Variants in ITGA8 observed in about 807,000 individuals in gnomAD.
ITGA8 encodes integrin alpha-8.
In ITGA8, 91 loss-of-function variants were observed where a neutral mutation model predicts 142.3. That is an observed-to-expected ratio of 0.64 (90% CI 0.54 to 0.76). The LOEUF is 0.76. Ranked by LOEUF, ITGA8 falls within the 30% of genes least tolerant of loss-of-function variation. The pLI is 0.00. For missense variants in ITGA8, 1,406 were observed against 1,327.7 expected, an observed-to-expected ratio of 1.06 and a Z score of -0.92; for synonymous variants, 505 against 485.2, an observed-to-expected ratio of 1.04 and a Z score of -0.54.
chr10:15,544,258 A>G (rs1833627735), intron 27 of ITGA8, among the ~76,000 whole-genome samples: 1 of 152,176 alleles, frequency 6.6e-6, no homozygotes, highest in Non-Finnish European at 1.5e-5. Flanking sequence ...TGACTGCACC[A>G]CTTCACTCCA....
At chr10:15,523,707 C>T (rs367764165) in intron 28 of ITGA8, among the ~76,000 whole-genome samples, 26 of 147,698 alleles carry the variant, frequency 1.8e-4, no homozygotes, top group East Asian at 1.4e-3. Flanking sequence ...GTCAGGAGTT[C>T]GAGACCAGCC....
chr10:15,657,374 C>T (rs1351856427), intron 10 of ITGA8, among the ~76,000 whole-genome samples: 2 of 152,110 alleles, frequency 1.3e-5, no homozygotes, highest in Admixed American at 6.5e-5. Context: ...CCAAACCTTC[C>T]AAAAGAATAT....
intron 4 of ITGA8, 71 bp from the exon 5 acceptor site, chr10:15,678,854 G>A: frequency 1.1e-6 from 1 of 916,952 alleles, no homozygotes; most frequent in Non-Finnish European, 1.7e-6. Flanking sequence ...ACCAATTCAG[G>A]ATATTATGTT....
intron 29 of ITGA8, 120 bp from the exon 30 acceptor site, chr10:15,517,364 C>A (rs776271602): frequency 1.7e-5 from 10 of 572,290 alleles, no homozygotes; most frequent in Non-Finnish European, 2.7e-5. Context: ...GCTCTCTATT[C>A]CCCAGGCTGG....
rs1364163537 is a variant in ITGA8 at position 15,530,471 on chromosome 10, C to T, written c.2982+579G>A. Among the ~76,000 whole-genome samples, 4 of 132,560 alleles carry T rather than the reference C, an allele frequency of 3.0e-5. No individual in the cohort carries two copies. In the East Asian group the frequency reaches 6.8e-4, roughly 22 times the overall value. The allele number at this position is 132,560 out of a possible 152,430, so 87.0% of individuals were successfully genotyped here. On this transcript the variant is annotated intron_variant, in intron 28 of 29. Coordinates refer to ENST00000378076, the MANE Select transcript of ITGA8 (RefSeq NM_003638.3). Reference sequence around the variant, plus strand: ...TGAGGCAGAAGAATTGCTTGAACCTCGGAGGCAACGGTTGCAGTGAGCTGA... The same window carrying T: ...TGAGGCAGAAGAATTGCTTGAACCTTGGAGGCAACGGTTGCAGTGAGCTGA...
intron 17 of ITGA8, among the ~76,000 whole-genome samples, chr10:15,607,378 C>A (rs933910731): frequency 6.6e-6 from 1 of 151,994 alleles, no homozygotes; most frequent in African/African-American, 2.4e-5. Context: ...CTGTGTTGCA[C>A]TTTTATGTAT....
In ITGA8 at chr10:15,650,877, C is replaced by G. The variant is rs552222984; in HGVS notation, c.1002-3826G>C. 7.9e-5 allele frequency among the ~76,000 whole-genome samples: 12 copies of G among 152,244 alleles called. No individual in the cohort carries two copies. In the East Asian group the frequency reaches 2.3e-3, roughly 29 times the overall value. On this transcript the variant is annotated intron_variant, in intron 11 of 29. Coordinates refer to ENST00000378076, the MANE Select transcript of ITGA8 (RefSeq NM_003638.3). Reference sequence around the variant, plus strand: ...AGCTAACATCACTTCAATTACATTACAGAAATTAATCTACAACCTCTTTAT... The same window carrying G: ...AGCTAACATCACTTCAATTACATTAGAGAAATTAATCTACAACCTCTTTAT...
intron 15 of ITGA8, 133 bp from the exon 16 acceptor site, chr10:15,608,423 A>ACC (rs397836243): frequency 2.1e-5 from 8 of 381,012 alleles, no homozygotes; most frequent in African/African-American, 6.7e-5. Flanking sequence ...ACACACACAC[A>ACC]CCCACACACA....
intron 5 of ITGA8, 49 bp downstream of exon 5, chr10:15,678,673 A>C (rs1213833478): frequency 7.4e-7 from 1 of 1,346,682 alleles, no homozygotes. Context: ...GCAGAGGGTA[A>C]AAAAAAATCA....
At chr10:15,563,527 A>G (rs1225493826) in intron 25 of ITGA8, among the ~76,000 whole-genome samples, 1 of 152,222 alleles carries the variant, frequency 6.6e-6, no homozygotes, top group Admixed American at 6.5e-5. Flanking sequence ...AAGAGGCACT[A>G]TAAAAAACAA....
chr10:15,567,687 G>A (rs1834103161), intron 25 of ITGA8, among the ~76,000 whole-genome samples: 1 of 152,132 alleles, frequency 6.6e-6, no homozygotes, highest in South Asian at 2.1e-4. Context: ...AGTGGGAAGG[G>A]ACATCCTCAA....
At chr10:15,596,348 C>T (rs1389249875) in intron 21 of ITGA8, among the ~76,000 whole-genome samples, 1 of 152,172 alleles carries the variant, frequency 6.6e-6, no homozygotes, top group Non-Finnish European at 1.5e-5. Context: ...TCTGACTTCT[C>T]TGAGCTTCAG....
chr10:15,626,825 A>G (rs1240843127), intron 13 of ITGA8, among the ~76,000 whole-genome samples: 2 of 152,228 alleles, frequency 1.3e-5, no homozygotes, highest in Non-Finnish European at 2.9e-5. Context: ...AGAGAGGCTT[A>G]GAGGAAACCA....
chr10:15,622,293 A>T (rs1588680785), intron 13 of ITGA8, among the ~76,000 whole-genome samples: 2 of 151,522 alleles, frequency 1.3e-5, no homozygotes. Flanking sequence ...CCCACTTCTC[A>T]CTCTCATCTC....
At chr10:15,551,211 G>A (rs1226697729) in intron 26 of ITGA8, among the ~76,000 whole-genome samples, 1 of 151,476 alleles carries the variant, frequency 6.6e-6, no homozygotes, top group Non-Finnish European at 1.5e-5. Flanking sequence ...ATGACAGGAG[G>A]CACTTAGGAA....
At chr10:15,713,915 C>T (rs1465257307) in intron 2 of ITGA8, among the ~76,000 whole-genome samples, 1 of 151,722 alleles carries the variant, frequency 6.6e-6, no homozygotes, top group Non-Finnish European at 1.5e-5. Flanking sequence ...CACAGAGATA[C>T]TAAGTTGAGG....
At chr10:15,557,505 A>T (rs1031574693) in intron 26 of ITGA8, among the ~76,000 whole-genome samples, 3 of 152,180 alleles carry the variant, frequency 2.0e-5, no homozygotes, top group African/African-American at 7.2e-5. Flanking sequence ...GGCCCAGGAA[A>T]CCTGAACACA....
chr10:15,550,014 T>C (rs1298159006), intron 26 of ITGA8, among the ~76,000 whole-genome samples: 1 of 152,160 alleles, frequency 6.6e-6, no homozygotes, highest in Non-Finnish European at 1.5e-5. Flanking sequence ...GAATTGTAGC[T>C]TCCATGACTC....
At chr10:15,596,948 T>C in intron 21 of ITGA8, 1 of 391,624 alleles carries the variant, frequency 2.6e-6, no homozygotes, top group Non-Finnish European at 4.6e-6. Flanking sequence ...CTGTATAAAA[T>C]TGTTGTAACT....
Sources: allele counts gnomAD v4.1 joint callset (sites outside exome capture counted in the v4.1 genomes callset), GRCh38; gene constraint gnomAD v4.1.1; transcripts MANE v1.5; gene names NCBI Gene and HGNC (gene_info 2026-07-23, HGNC 2026-07-21).